The following AGBL4 variants were observed in gnomAD, a reference collection of about 807,000 sequenced individuals.
AGBL4 encodes the protein cytosolic carboxypeptidase 6.
AGBL4 carries 58 observed loss-of-function variants against 66.4 expected under a neutral mutation model. The observed-to-expected ratio is 0.87, with a 90% CI of 0.71 to 1.09. The LOEUF (loss-of-function observed/expected upper bound fraction) is 1.09, where lower values mean the gene tolerates loss of function less well. AGBL4 is among the 50% of genes least tolerant of loss of function. The probability of loss-of-function intolerance (pLI) is 0.00; values close to 1 mark genes in which losing one functional copy is unlikely to be tolerated. For synonymous variants in AGBL4, 234 were observed against 222.9 expected (o/e 1.05, Z -0.44); for missense variants, 579 against 631.0 (o/e 0.92, Z 0.88).
chr1:49,393,525 A>G (rs992251829), intron 3 of AGBL4, among the ~76,000 whole-genome samples: 1 of 152,188 alleles, frequency 6.6e-6, no homozygotes, highest in African/African-American at 2.4e-5. Flanking sequence ...CCTCTAACAG[A>G]GCTCACACTT....
intron 6 of AGBL4, among the ~76,000 whole-genome samples, chr1:48,730,707 A>C (rs1647975530): frequency 6.6e-6 from 1 of 152,196 alleles, no homozygotes; most frequent in Non-Finnish European, 1.5e-5. Context: ...TAGACTCTAG[A>C]TATTAATCAC....
At chr1:48,842,279 G>A (rs1321325309) in intron 6 of AGBL4, among the ~76,000 whole-genome samples, 1 of 151,684 alleles carries the variant, frequency 6.6e-6, no homozygotes, top group Non-Finnish European at 1.5e-5. Flanking sequence ...TTTTTTCTAG[G>A]AGAGGTGGAT....
At chr1:49,845,290 A>T in intron 2 of AGBL4, 1 of 1,559,178 alleles carries the variant, frequency 6.4e-7, no homozygotes, top group African/African-American at 1.4e-5. Context: ...TGCCCCACTG[A>T]TCCAGCACCA....
In AGBL4 at chr1:49,856,415, A is replaced by T. The variant is rs568289802; in HGVS notation, c.35-4897T>A. On this transcript the variant is annotated intron_variant, in intron 1 of 13. Transcript: ENST00000371839. ...AGCATTACCTTGATACCAATACCAG[A>T]GAAGGAAACAACAAGAAACAATAAG... Among the ~76,000 whole-genome samples the T allele has an allele frequency of 3.3e-5, 5 of 152,212 alleles. No individual in the cohort carries two copies. The East Asian group carries it at 9.6e-4, about 29-fold the overall frequency.
At chr1:48,674,577 C>T (rs1223913667) in intron 6 of AGBL4, among the ~76,000 whole-genome samples, 1 of 151,920 alleles carries the variant, frequency 6.6e-6, no homozygotes, top group Non-Finnish European at 1.5e-5. Flanking sequence ...TATGGCTGTG[C>T]CTGATTTAGA....
intron 3 of AGBL4, among the ~76,000 whole-genome samples, chr1:49,626,380 T>C (rs1399565597): frequency 1.3e-5 from 2 of 152,140 alleles, no homozygotes; most frequent in African/African-American, 2.4e-5. Context: ...ATGCTTTTTT[T>C]CTATTTCATA....
intron 3 of AGBL4, among the ~76,000 whole-genome samples, chr1:49,318,293 A>G (rs1645073816): frequency 2.6e-5 from 4 of 151,950 alleles, no homozygotes; most frequent in African/African-American, 9.7e-5. Context: ...AGGATTAGAA[A>G]TAAGCTTCTA....
chr1:49,557,200 C>T (rs1043523075), intron 3 of AGBL4, among the ~76,000 whole-genome samples: 6 of 151,834 alleles, frequency 4.0e-5, no homozygotes, highest in Non-Finnish European at 7.4e-5. Flanking sequence ...GCTGCCAGAG[C>T]GGACGCTGAG....
intron 6 of AGBL4, among the ~76,000 whole-genome samples, chr1:48,857,117 C>T (rs887941700): frequency 6.6e-6 from 1 of 152,098 alleles, no homozygotes; most frequent in Admixed American, 6.6e-5. Flanking sequence ...AGATAACTGC[C>T]TTATGGTATA....
intron 3 of AGBL4, among the ~76,000 whole-genome samples, chr1:49,453,732 C>T (rs1570753225): frequency 6.6e-6 from 1 of 151,656 alleles, no homozygotes; most frequent in African/African-American, 2.4e-5. Flanking sequence ...TTTCTCAAAC[C>T]TTTTACATAG....
intron 4 of AGBL4, among the ~76,000 whole-genome samples, chr1:49,159,193 G>A (rs1646493199): frequency 6.6e-6 from 1 of 151,912 alleles, no homozygotes; most frequent in Non-Finnish European, 1.5e-5. Flanking sequence ...TTTTGCACTG[G>A]CTGGTACTAG....
intron 3 of AGBL4, among the ~76,000 whole-genome samples, chr1:49,542,869 A>T (rs577297369): frequency 7.7e-6 from 1 of 130,214 alleles, no homozygotes; most frequent in African/African-American, 2.9e-5. Context: ...ACTTCACTCC[A>T]GCCTGGGTGA....
At chr1:49,530,275 A>AAAAAAAAAC (rs1553221144) in intron 3 of AGBL4, among the ~76,000 whole-genome samples, 1 of 141,336 alleles carries the variant, frequency 7.1e-6, no homozygotes, top group African/African-American at 2.8e-5. Flanking sequence ...AAAAAAAACA[A>AAAAAAAAAC]AAAAAAACTC....
chr1:49,679,069 T>C (rs1021165217), intron 3 of AGBL4, among the ~76,000 whole-genome samples: 2 of 152,178 alleles, frequency 1.3e-5, no homozygotes, highest in Non-Finnish European at 2.9e-5. Context: ...GGGTTGATGG[T>C]ACTCTTAAGT....
At chr1:48,903,839 C>A (rs1321984271) in intron 5 of AGBL4, among the ~76,000 whole-genome samples, 3 of 152,194 alleles carry the variant, frequency 2.0e-5, no homozygotes, top group Admixed American at 1.3e-4. Flanking sequence ...TTGGTTTCCC[C>A]ATCTGTAAAA....
chr1:49,266,422 A>G (rs1387151360), intron 3 of AGBL4, among the ~76,000 whole-genome samples: 5 of 152,130 alleles, frequency 3.3e-5, no homozygotes, highest in African/African-American at 9.7e-5. Flanking sequence ...CTTTTCCTCA[A>G]TCTGACAGCA....
intron 1 of AGBL4, among the ~76,000 whole-genome samples, chr1:49,913,939 C>CA (rs2148217551): frequency 6.6e-6 from 1 of 152,308 alleles, no homozygotes; most frequent in Non-Finnish European, 1.5e-5. Flanking sequence ...TCCCTAAAAA[C>CA]AATTCTTCCC....
intron 3 of AGBL4, among the ~76,000 whole-genome samples, chr1:49,523,217 G>GTGGGAGAT (rs1199265216): frequency 6.6e-6 from 1 of 152,042 alleles, no homozygotes; most frequent in Non-Finnish European, 1.5e-5. Context: ...AAGGTTATCT[G>GTGGGAGAT]TGGGAGATAT....
At chr1:49,556,172 A>G (rs1310343904) in intron 3 of AGBL4, among the ~76,000 whole-genome samples, 1 of 152,180 alleles carries the variant, frequency 6.6e-6, no homozygotes, top group South Asian at 2.1e-4. Flanking sequence ...AATGTGGCAC[A>G]TATACACCAT....
Sources: allele counts gnomAD v4.1 joint callset (sites outside exome capture counted in the v4.1 genomes callset), GRCh38; gene constraint gnomAD v4.1.1; transcripts MANE v1.5; gene names NCBI Gene and HGNC (gene_info 2026-07-23, HGNC 2026-07-21).